The following SLC2A14 variants were observed in gnomAD, a reference collection of about 807,000 sequenced individuals.
SLC2A14 encodes solute carrier family 2 member 14, also known as solute carrier family 2, facilitated glucose transporter member 14.
Under a neutral mutation model 43.0 loss-of-function variants are expected in SLC2A14, and 13 were observed. The ratio of observed to expected loss-of-function variants is 0.30; its 90% confidence interval spans 0.20 to 0.48. The LOEUF (loss-of-function observed/expected upper bound fraction) is 0.48. Ranked by LOEUF, SLC2A14 falls within the 20% of genes least tolerant of loss-of-function variation. The pLI, the probability that SLC2A14 is intolerant of heterozygous loss-of-function variation, is 0.99. For missense variants in SLC2A14, 428 were observed against 620.4 expected, an observed-to-expected ratio of 0.69 and a Z score of 3.29; for synonymous variants, 190 against 233.8, an observed-to-expected ratio of 0.81 and a Z score of 1.71.
At chr12:7,842,178 T>C (rs1866008262) in intron 2 of SLC2A14, among the ~76,000 whole-genome samples, 1 of 152,180 alleles carries the variant, frequency 6.6e-6, no homozygotes, top group Admixed American at 6.5e-5. Flanking sequence ...TTTCACTTAG[T>C]GATATTCATT....
chr12:7,846,683 G>A (rs1866493050), intron 2 of SLC2A14, among the ~76,000 whole-genome samples: 1 of 150,748 alleles, frequency 6.6e-6, no homozygotes, highest in African/African-American at 2.4e-5. Context: ...CCAGGCTGGA[G>A]TGTAATGGCG....
chr12:7,842,554 T>G (rs1178599204), intron 2 of SLC2A14, among the ~76,000 whole-genome samples: 2 of 151,906 alleles, frequency 1.3e-5, no homozygotes, highest in Admixed American at 6.6e-5. Flanking sequence ...TTTGAGTTCC[T>G]TAACTTTTCT....
intron 2 of SLC2A14, among the ~76,000 whole-genome samples, chr12:7,845,744 A>G (rs1459425523): frequency 1.6e-5 from 2 of 128,260 alleles, no homozygotes; most frequent in East Asian, 4.8e-4. Flanking sequence ...GCGCCACTGC[A>G]CTCCAGCCTG....
upstream of SLC2A14, among the ~76,000 whole-genome samples, chr12:7,878,020 C>T (rs548875838): frequency 1.8e-4 from 27 of 151,756 alleles, no homozygotes; most frequent in Non-Finnish European, 3.1e-4. Context: ...GGATTACAGG[C>T]GTGAGCCACC....
At chr12:7,832,670 A>G (rs372664866) in intron 3 of SLC2A14, 52 bp downstream of exon 3, 576 of 1,588,172 alleles carry the variant, frequency 3.6e-4, no homozygotes, top group Non-Finnish European at 4.4e-4. Context: ...AACCCTACTT[A>G]AAGGAATAAT....
At chr12:7,826,993 TTTCTCTC>T (rs754159051) in intron 7 of SLC2A14, among the ~76,000 whole-genome samples, 20 of 143,174 alleles carry the variant, frequency 1.4e-4, no homozygotes, top group East Asian at 2.0e-4. Context: ...CCTTTCTCTC[TTTCTCTC>T]CTTTCTCTCT....
At position 7,832,599 on chromosome 12, in the gene SLC2A14, C is replaced by A. The variant is rs151338788; in HGVS notation, c.111+123G>T. 2.8e-3 allele frequency: 2,897 copies of A among 1,022,296 alleles called. 36 individuals carry two copies. In the African/African-American group the frequency reaches 0.032, roughly 11 times the overall value. The allele number at this position is 1,022,296 out of a possible 1,614,324, so 63.3% of individuals were successfully genotyped here. A position where few individuals can be genotyped will look rare whatever the true frequency, so the allele number is the denominator to read the frequency against. ...CAAGTGATCTTTAAGCCTCAGCCTC[C>A]GGAGTAGCTGGGACTCCAGGCAGGT... On this transcript the variant is annotated intron_variant, in intron 3 of 10. Transcript: ENST00000431042.
At chr12:7,878,253 GT>G (rs1945498370), upstream of SLC2A14, among the ~76,000 whole-genome samples, 1 of 151,538 alleles carries the variant, frequency 6.6e-6, no homozygotes, top group Non-Finnish European at 1.5e-5. Context: ...GTTTCATCAT[GT>G]TGGCCAGGCT....
upstream of SLC2A14, among the ~76,000 whole-genome samples, chr12:7,877,846 A>C (rs1227278929): frequency 6.6e-6 from 1 of 152,054 alleles, no homozygotes; most frequent in Non-Finnish European, 1.5e-5. Flanking sequence ...GGGTTCAAGC[A>C]ATTCTCTTGC....
intron 2 of SLC2A14, among the ~76,000 whole-genome samples, chr12:7,842,809 ACCT>A (rs1376724795): frequency 1.4e-5 from 2 of 147,862 alleles, no homozygotes; most frequent in Admixed American, 1.4e-4. Flanking sequence ...GCTCATCGCA[ACCT>A]CCGCCTCCCG....
intron 2 of SLC2A14, among the ~76,000 whole-genome samples, chr12:7,864,378 C>T (rs988705638): frequency 2.6e-5 from 4 of 152,114 alleles, no homozygotes; most frequent in African/African-American, 4.8e-5. Flanking sequence ...CTCGCTCTGT[C>T]GCCCAGGCTG....
upstream of SLC2A14, among the ~76,000 whole-genome samples, chr12:7,875,006 A>ATT (rs1482132872): frequency 1.2e-4 from 12 of 98,158 alleles, no homozygotes; most frequent in African/African-American, 5.5e-4. Flanking sequence ...ATATAAATAC[A>ATT]TATATAAAAA....
At chr12:7,863,761 C>G (rs1345845279) in intron 2 of SLC2A14, among the ~76,000 whole-genome samples, 1 of 152,028 alleles carries the variant, frequency 6.6e-6, no homozygotes, top group Non-Finnish European at 1.5e-5. Flanking sequence ...GCCTAACTTC[C>G]TTTTATTTCA....
Position 7,821,335 on chromosome 12 carries a change from A to C in SLC2A14, c.865-10T>G. 1.9e-6 allele frequency: 3 copies of C among 1,605,712 alleles called. No individual in the cohort carries two copies. The highest frequency in any genetic ancestry group is 2.6e-6 in the Non-Finnish European group (3 of 1,172,710). On this transcript the variant is annotated splice_polypyrimidine_tract_variant and intron_variant, in intron 7 of 10. Coordinates refer to ENST00000431042, the MANE Select transcript of SLC2A14 (RefSeq NM_001286234.2). Reference sequence around the variant, plus strand: ...TTGAGTAATAGAACACCTAGGAGAAAAGAAAACATGCAGCTTTGATAAAAT... The same window carrying C: ...TTGAGTAATAGAACACCTAGGAGAACAGAAAACATGCAGCTTTGATAAAAT...
In SLC2A14 at chr12:7,815,866, G is replaced by A. The variant is rs1482620585; in HGVS notation, c.1276-1332C>T. On this transcript the variant is annotated intron_variant, in intron 10 of 10. Coordinates refer to ENST00000431042, the MANE Select transcript of SLC2A14 (RefSeq NM_001286234.2). The stretch of plus-strand genomic sequence containing the variant: ...GCTGGGATTACAGGTGTGAGCCACC[G>A]TGCCTGGCCAGTTTTGTTTTTTTTT... Among the ~76,000 whole-genome samples, 3 of 148,598 alleles carry A rather than the reference G, an allele frequency of 2.0e-5. No homozygotes were observed. In the East Asian group the frequency reaches 6.1e-4, roughly 30 times the overall value.
chr12:7,860,143 G>C lies in SLC2A14; in HGVS notation c.18+9720C>G, dbSNP rs951867397. ...GTATATCTTTGCGCCATCCCTCCCA[G>C]TACTGGCCCTGGAGAAAAACTGGAA... On this transcript the variant is annotated intron_variant, in intron 2 of 10. Transcript: ENST00000431042. Among the ~76,000 whole-genome samples, 5 of 152,102 alleles carry C rather than the reference G, an allele frequency of 3.3e-5. 1 individual carries two copies. The highest frequency in any genetic ancestry group is 1.2e-4 in the African/African-American group (5 of 41,422).
At chr12:7,886,519 A>G (rs768812597) in intron 1 of SLC2A14, among the ~76,000 whole-genome samples, 12 of 152,102 alleles carry the variant, frequency 7.9e-5, no homozygotes, top group African/African-American at 2.9e-4. Context: ...TTTTCATAAT[A>G]AAAAGGTTCT....
At chr12:7,876,036 C>G (rs1160102795), upstream of SLC2A14, among the ~76,000 whole-genome samples, 7 of 151,494 alleles carry the variant, frequency 4.6e-5, no homozygotes, top group African/African-American at 1.5e-4. Context: ...CCTAGCACTT[C>G]GGGAGGCCGA....
chr12:7,827,089 TTCTTTC>T (rs1565509539), intron 7 of SLC2A14, among the ~76,000 whole-genome samples: 20 of 118,992 alleles, frequency 1.7e-4, no homozygotes, highest in African/African-American at 6.6e-4. Flanking sequence ...CTTTCTTTCT[TTCTTTC>T]TCTTTCTTTC....
Sources: gnomAD v4.1 joint callset for allele counts (sites outside exome capture counted in the v4.1 genomes callset) on GRCh38, gnomAD v4.1.1 for gene constraint, MANE v1.5 for transcripts, NCBI Gene and HGNC (gene_info 2026-07-23, HGNC 2026-07-21) for gene names.